The following AGTR1 variants were observed in gnomAD, a reference collection of about 807,000 sequenced individuals.
The protein encoded by AGTR1 is type-1 angiotensin II receptor.
A neutral mutation model predicts 19.4 loss-of-function variants in AGTR1; 16 were observed. That is an observed-to-expected ratio of 0.82 (90% CI 0.56 to 1.25). The LOEUF (loss-of-function observed/expected upper bound fraction) is 1.25. Among genes scored for constraint, AGTR1 ranks in the 50% most tolerant of loss-of-function variants. The probability of loss-of-function intolerance (pLI) is 0.00; values close to 1 mark genes in which losing one functional copy is unlikely to be tolerated. For synonymous variants in AGTR1, 153 were observed against 154.9 expected (o/e 0.99, Z 0.09); for missense variants, 373 against 431.9 (o/e 0.86, Z 1.21).
At chr3:148,712,009 C>T (rs566962415) in intron 2 of AGTR1, among the ~76,000 whole-genome samples, 1 of 152,134 alleles carries the variant, frequency 6.6e-6, no homozygotes, top group South Asian at 2.1e-4. Flanking sequence ...GCCTCAGCCT[C>T]CCAAAATGCT....
At chr3:148,717,436 C>G (rs1482612436) in intron 2 of AGTR1, among the ~76,000 whole-genome samples, 4 of 152,156 alleles carry the variant, frequency 2.6e-5, no homozygotes, top group Non-Finnish European at 5.9e-5. Flanking sequence ...AGGTTCCAAC[C>G]ATTTTTCTCC....
At chr3:148,735,831 C>G (rs1326368439) in intron 2 of AGTR1, among the ~76,000 whole-genome samples, 1 of 152,082 alleles carries the variant, frequency 6.6e-6, no homozygotes, top group Non-Finnish European at 1.5e-5. Context: ...AAAATAGGAA[C>G]AATAAAGACA....
In AGTR1 at chr3:148,698,091, G is replaced by T. The variant is rs1291342601; in HGVS notation, c.-168G>T. On this transcript the variant is annotated 5_prime_UTR_variant, in exon 1 of 3. Transcript: ENST00000349243. ...CGGGAGACCCGCACCAGCGCAGCCG[G>T]CCCTCGGCGGGACGTGACGCAGCGC... The T allele has an allele frequency of 6.6e-6, 1 of 152,180 alleles. No individual in the cohort carries two copies. Among genetic ancestry groups the T allele is most frequent in the Non-Finnish European group, 1.5e-5 (1 of 68,046 alleles). 9.4% of individuals were successfully genotyped at this position (152,180 alleles called of 1,614,324 possible). A position where few individuals can be genotyped will look rare whatever the true frequency, so the allele number is the denominator to read the frequency against.
chr3:148,699,454 A>C (rs1166995431), intron 1 of AGTR1, among the ~76,000 whole-genome samples: 1 of 152,080 alleles, frequency 6.6e-6, no homozygotes, highest in East Asian at 1.9e-4. Flanking sequence ...ACCTGTCCTC[A>C]GGCTGTGATG....
At chr3:148,739,898 C>A in intron 2 of AGTR1, 1 of 1,231,904 alleles carries the variant, frequency 8.1e-7, no homozygotes, top group African/African-American at 1.5e-5. Flanking sequence ...GCCCACCTAG[C>A]TGTCCTGGCC....
chr3:148,741,310 A>G lies in AGTR1; in HGVS notation c.275A>G (p.Tyr92Cys). 6.2e-7 allele frequency: 1 copy of G among 1,611,594 alleles called. No homozygotes were observed. The highest frequency in any genetic ancestry group is 8.5e-7 in the Non-Finnish European group (1 of 1,179,996). Residue 92 changes from tyrosine (Y) to cysteine (C), a missense_variant, in exon 3 of 3, where the codon TAC (tyrosine) becomes TGC (cysteine). Transcript: ENST00000349243. The part of the protein sequence containing the change: ...PLWAVYTAME[Y>C]RWPFGNYLCK... ...TGGGCTGTCTACACAGCTATGGAAT[A>G]CCGCTGGCCCTTTGGCAATTACCTA...
intron 2 of AGTR1, among the ~76,000 whole-genome samples, chr3:148,710,804 A>C (rs574926841): frequency 6.6e-6 from 1 of 151,916 alleles, no homozygotes; most frequent in Non-Finnish European, 1.5e-5. Context: ...GCCTGGTGGG[A>C]GGTGTTTGGA....
At chr3:148,723,850 G>A (rs575686984) in intron 2 of AGTR1, among the ~76,000 whole-genome samples, 16 of 152,296 alleles carry the variant, frequency 1.1e-4, no homozygotes, top group Admixed American at 6.5e-5. Context: ...AAGGGGGAAT[G>A]TCTAACAAAC....
intron 1 of AGTR1, among the ~76,000 whole-genome samples, chr3:148,703,611 G>A (rs1712480862): frequency 1.3e-5 from 2 of 152,040 alleles, no homozygotes; most frequent in Admixed American, 1.3e-4. Flanking sequence ...TATAGATTGG[G>A]ATACCAAGTA....
chr3:148,729,486 A>G (rs1714133826), intron 2 of AGTR1, among the ~76,000 whole-genome samples: 2 of 152,236 alleles, frequency 1.3e-5, no homozygotes, highest in African/African-American at 4.8e-5. Flanking sequence ...CTGCTCAGAC[A>G]GCACACAACT....
At position 148,716,327 on chromosome 3, in the gene AGTR1, G is replaced by T. The variant is rs369644283; in HGVS notation, c.-48+8300G>T. On this transcript the variant is annotated intron_variant, in intron 2 of 2. Coordinates refer to ENST00000349243, the MANE Select transcript of AGTR1 (RefSeq NM_000685.5). The surrounding 1 kb of genome is among the most constrained non-coding windows in gnomAD (Gnocchi z 4.7). ...GGTTGTGTTGAGTTGACAGAGATGTGTGGCTCTTTAAACTGAAATATAATC... is the reference window on the plus strand; with the variant it reads ...GGTTGTGTTGAGTTGACAGAGATGTTTGGCTCTTTAAACTGAAATATAATC... 3.7e-4 allele frequency among the ~76,000 whole-genome samples: 57 copies of T among 152,224 alleles called. No homozygotes were observed. In the South Asian group the frequency reaches 0.012, roughly 32 times the overall value.
chr3:148,713,474 C>T (rs566656486), intron 2 of AGTR1, among the ~76,000 whole-genome samples: 1 of 152,100 alleles, frequency 6.6e-6, no homozygotes, highest in Non-Finnish European at 1.5e-5. Context: ...TTTTAGTTAA[C>T]TTTATTAATG....
intron 2 of AGTR1, among the ~76,000 whole-genome samples, chr3:148,737,197 C>G (rs1196967591): frequency 1.3e-5 from 2 of 152,080 alleles, no homozygotes; most frequent in African/African-American, 2.4e-5. Context: ...CTAGAAATGC[C>G]CAGTGCACAT....
intron 2 of AGTR1, among the ~76,000 whole-genome samples, chr3:148,715,899 C>T (rs528205963): frequency 6.6e-6 from 1 of 152,128 alleles, no homozygotes; most frequent in South Asian, 2.1e-4. Flanking sequence ...TTAATTTAAT[C>T]TTCATATTTC....
intron 2 of AGTR1, among the ~76,000 whole-genome samples, chr3:148,723,535 T>C (rs1490447076): frequency 6.6e-6 from 1 of 152,180 alleles, no homozygotes; most frequent in Non-Finnish European, 1.5e-5. Context: ...TTCACTCACA[T>C]AGAGACTTCA....
intron 2 of AGTR1, among the ~76,000 whole-genome samples, chr3:148,720,286 G>A (rs275655): frequency 3.3e-5 from 5 of 151,998 alleles, no homozygotes; most frequent in African/African-American, 4.8e-5. Context: ...CACACACAGA[G>A]GCTCAAAGCA....
chr3:148,706,985 C>T (rs1328753055), intron 1 of AGTR1, among the ~76,000 whole-genome samples: 1 of 151,696 alleles, frequency 6.6e-6, no homozygotes, highest in Non-Finnish European at 1.5e-5. Context: ...TACAAAAGTG[C>T]ATATATGTAA....
intron 2 of AGTR1, among the ~76,000 whole-genome samples, chr3:148,714,612 G>C (rs1182805495): frequency 2.0e-5 from 3 of 152,110 alleles, no homozygotes; most frequent in Non-Finnish European, 4.4e-5. Flanking sequence ...GATTTTAAAA[G>C]CTAAATGATT....
At chr3:148,718,249 C>A (rs535327102) in intron 2 of AGTR1, among the ~76,000 whole-genome samples, 19 of 152,270 alleles carry the variant, frequency 1.2e-4, no homozygotes, top group South Asian at 8.3e-4. Context: ...CATCAGAATC[C>A]CAAACCTCTA....
Sources: gnomAD v4.1 joint callset for allele counts (sites outside exome capture counted in the v4.1 genomes callset) on GRCh38, gnomAD v4.1.1 for gene constraint, Gnocchi (gnomAD v3.1) non-coding constraint, MANE v1.5 for transcripts, NCBI Gene and HGNC (gene_info 2026-07-23, HGNC 2026-07-21) for gene names.